SLC25A6: variants seen among roughly 807,000 people sequenced by gnomAD.
The protein encoded by SLC25A6 is solute carrier family 25 member 6.
A neutral mutation model predicts 25.7 loss-of-function variants in SLC25A6; 9 were observed. The ratio of observed to expected loss-of-function variants is 0.35; its 90% CI spans 0.21 to 0.61. The LOEUF (loss-of-function observed/expected upper bound fraction) is 0.61. Among genes scored for constraint, SLC25A6 ranks in the 20% least tolerant of loss-of-function variants. The probability of loss-of-function intolerance (pLI) is 0.76; values close to 1 mark genes in which losing one functional copy is unlikely to be tolerated. For missense variants in SLC25A6, 404 were observed against 440.5 expected (o/e 0.92, Z 0.74); for synonymous variants, 223 against 197.0 (o/e 1.13, Z -1.11).
chrX:1,388,830 G>C (rs1246173190), intron 2 of SLC25A6, among the ~76,000 whole-genome samples: 12 of 150,412 alleles, frequency 8.0e-5, no homozygotes, highest in Non-Finnish European at 1.8e-4. Flanking sequence ...GACACACACA[G>C]AGGGACGACC....
chrX:1,391,836 GCCCGA>G, intron 1 of SLC25A6, 58 bp downstream of exon 1: 4 of 1,335,990 alleles, frequency 3.0e-6, no homozygotes, highest in Non-Finnish European at 4.2e-6. Context: ...CCACGTCCCC[GCCCGA>G]CCCGGCCACT....
Position 1,386,582 on chromosome X carries a change from T to C in SLC25A6, c.*20A>G. On this transcript the variant is annotated 3_prime_UTR_variant, in exon 4 of 4. Transcript: ENST00000381401. ...TTGGTTCCCCTGGTGTGTGTGTGTG[T>C]GTGGAGGAGGCCGCGGCCCTTAGAT... 6.5e-7 allele frequency: 1 copy of C among 1,535,436 alleles called. No homozygotes were observed. The highest frequency in any genetic ancestry group is 8.7e-7 in the Non-Finnish European group (1 of 1,144,864).
chrX:1,387,524 C>G, intron 2 of SLC25A6, 105 bp from the exon 3 acceptor site: 1 of 1,487,216 alleles, frequency 6.7e-7, no homozygotes. Context: ...GTGCCGAGCT[C>G]TTCCGAGACC....
At chrX:1,390,143 C>A (rs181716492) in intron 1 of SLC25A6, 6 of 229,404 alleles carry the variant, frequency 2.6e-5, no homozygotes, top group Non-Finnish European at 5.2e-5. Flanking sequence ...CCCGAGTACC[C>A]GGGTCTACAG....
Position 1,386,449 on chromosome X carries a change from T to C in SLC25A6, c.*153A>G, listed in dbSNP as rs1279062948. ...TGGTTGGATCGCAATGCGCCCCTTTTCTAGAGCCTTCCCCGGCCATCTACA... is the reference window on the plus strand; with the variant it reads ...TGGTTGGATCGCAATGCGCCCCTTTCCTAGAGCCTTCCCCGGCCATCTACA... On this transcript the variant is annotated 3_prime_UTR_variant, in exon 4 of 4. Transcript: ENST00000381401. The C allele has an allele frequency of 3.0e-5, 32 of 1,067,338 alleles. No homozygotes were observed. The highest frequency in any genetic ancestry group is 5.1e-6 in the Non-Finnish European group (4 of 777,106). The allele number at this position is 1,067,338 out of a possible 1,614,324, so 66.1% of individuals were successfully genotyped here. A position where few individuals can be genotyped will look rare whatever the true frequency, so the allele number is the denominator to read the frequency against.
intron 2 of SLC25A6, 120 bp from the exon 3 acceptor site, chrX:1,387,539 G>A (rs2089341990): frequency 2.1e-6 from 3 of 1,404,518 alleles, no homozygotes; most frequent in East Asian, 2.4e-5. Flanking sequence ...GAGACCACCA[G>A]TGCCCCCTCC....
intron 1 of SLC25A6, 34 bp downstream of exon 1, chrX:1,391,865 C>G (rs1419876624): frequency 6.6e-6 from 10 of 1,522,950 alleles, no homozygotes; most frequent in Non-Finnish European, 8.0e-6. Context: ...TTCCCGTCCC[C>G]TAGTCCCCGG....
At position 1,392,113 on chromosome X, in the gene SLC25A6, G is replaced by A. The variant is rs1475586197; in HGVS notation, c.-104C>T. 2 of 829,356 alleles carry A rather than the reference G, an allele frequency of 2.4e-6. No homozygotes were observed. The highest frequency in any genetic ancestry group is 3.9e-6 in the Non-Finnish European group (2 of 513,638). The allele number at this position is 829,356 out of a possible 1,614,324, so 51.4% of individuals were successfully genotyped here. A position where few individuals can be genotyped will look rare whatever the true frequency, so the allele number is the denominator to read the frequency against. On this transcript the variant is annotated 5_prime_UTR_variant, in exon 1 of 4. Transcript: ENST00000381401. Reference sequence around the variant, plus strand: ...GCCCTGCCGCCGCCTGGACCGAAAGGACGGAGCAGCCACCGCGCAGCCGCT... The same window carrying A: ...GCCCTGCCGCCGCCTGGACCGAAAGAACGGAGCAGCCACCGCGCAGCCGCT...
rs778705957 is a variant in SLC25A6, at chrX:1,387,312, G to A, written c.706C>T (p.Arg236Trp). The A allele has an allele frequency of 5.6e-6, 9 of 1,613,098 alleles. No homozygotes were observed. Among genetic ancestry groups the A allele is most frequent in the Admixed American group, 1.7e-5 (1 of 60,000 alleles). The change falls in exon 3 of 4, where the codon CGG becomes TGG. Residue 236 changes from arginine to tryptophan, a missense_variant. Transcript: ENST00000381401. ...VVSYPFDTVR[R>W]RMMMQSGRKG... ...CGCCCGGACTGCATCATCATGCGCC[G>A]CCGCACCGTGTCGAAGGGGTAGGAC...
At chrX:1,387,940 G>A (rs188261608) in intron 2 of SLC25A6, among the ~76,000 whole-genome samples, 19 of 152,058 alleles carry the variant, frequency 1.2e-4, no homozygotes, top group African/African-American at 4.6e-4. Flanking sequence ...ACAGGGAGAA[G>A]ACGGTGTCTA....
Position 1,389,478 on chromosome X carries a change from C to A in SLC25A6, c.361G>T (p.Gly121Cys). Residue 121 changes from glycine to cysteine, a missense_variant, in exon 2 of 4, where the codon GGT becomes TGT. Physicochemically the swap from Gly to Cys is radical, Grantham distance 159. Coordinates refer to ENST00000381401, the MANE Select transcript of SLC25A6 (RefSeq NM_001636.4). ...CAGAGGGAGGTCGCGCCGGCCGCACCGCCGGAGGCCAGGTTGCCCGCAAAG... is the reference window on the plus strand; with the variant it reads ...CAGAGGGAGGTCGCGCCGGCCGCACAGCCGGAGGCCAGGTTGCCCGCAAAG... Reference protein sequence around the residue: ...RYFAGNLASGGAAGATSLCFV... With the variant: ...RYFAGNLASGCAAGATSLCFV... The A allele has an allele frequency of 1.2e-6, 2 of 1,614,044 alleles. No individual in the cohort carries two copies. The highest frequency in any genetic ancestry group is 1.7e-6 in the Non-Finnish European group (2 of 1,179,986).
rs772997354 is a variant in SLC25A6, at chrX:1,386,736, C to T, written c.763G>A (p.Val255Ile). Residue 255 changes from valine (V) to isoleucine (I), a missense_variant, in exon 4 of 4, where the codon GTC (valine) becomes ATC (isoleucine). Transcript: ENST00000381401. ...CTGAAGATCTTCCTCCAACAGTCGA[C>T]GGTGCCCGTGTACATGATGTCAGCT... is the stretch of plus-strand genomic sequence containing the variant. ...KGADIMYTGTVDCWRKIFRDE... is the reference protein window; with the variant it reads ...KGADIMYTGTIDCWRKIFRDE... The T allele has an allele frequency of 8.7e-6, 14 of 1,611,036 alleles. No homozygotes were observed. Among genetic ancestry groups the T allele is most frequent in the East Asian group, 6.7e-5 (3 of 44,728 alleles).
Position 1,389,348 on chromosome X carries a change from A to G in SLC25A6, c.491T>C (p.Ile164Thr), listed in dbSNP as rs745448339. 6.2e-7 allele frequency: 1 copy of G among 1,613,772 alleles called. No individual in the cohort carries two copies. Among genetic ancestry groups the G allele is most frequent in the African/African-American group, 1.3e-5 (1 of 75,026 alleles). ...GCCCCGGATGCCGTCGGACTTGGTG[A>G]TCTTCACCAGGCAGTCTCCCAGGCC... ...FRGLGDCLVKITKSDGIRGLY... is the reference protein window; with the variant it reads ...FRGLGDCLVKTTKSDGIRGLY... The change falls in exon 2 of 4, where the codon ATC (isoleucine) becomes ACC (threonine). Residue 164 changes from isoleucine to threonine, a missense_variant. Physicochemically the swap from Ile to Thr is moderately conservative, Grantham distance 89. Transcript: ENST00000381401.
intron 2 of SLC25A6, among the ~76,000 whole-genome samples, chrX:1,388,050 T>G (rs1456657703): frequency 6.6e-5 from 10 of 150,454 alleles, no homozygotes; most frequent in African/African-American, 2.5e-4. Flanking sequence ...GTCTGCTGTT[T>G]ATAAGCCACC....
chrX:1,387,235 G>C (rs750828770), intron 3 of SLC25A6, 44 bp downstream of exon 3: 20 of 1,602,964 alleles, frequency 1.2e-5, no homozygotes, highest in Admixed American at 5.0e-5. Flanking sequence ...CAAGGAGCTT[G>C]GTTCCCCTTC....
chrX:1,389,236 C>T lies in SLC25A6; in HGVS notation c.598+5G>A, dbSNP rs767470647. On this transcript the variant is annotated splice_donor_5th_base_variant and intron_variant, in intron 2 of 3. Coordinates refer to ENST00000381401, the MANE Select transcript of SLC25A6 (RefSeq NM_001636.4). ...CTGGGACTTCGCGATGGCAGCCACA[C>T]GTACCCTTGGCCGTATCGTACACGC... 7 of 1,608,648 alleles carry T rather than the reference C, an allele frequency of 4.4e-6. No individual in the cohort carries two copies. The highest frequency in any genetic ancestry group is 2.7e-5 in the African/African-American group (2 of 74,830).
rs1413028428 is a variant in SLC25A6, at chrX:1,389,495, C to T, written c.344G>A (p.Gly115Asp). 2.5e-6 allele frequency: 4 copies of T among 1,614,118 alleles called. No individual in the cohort carries two copies. The highest frequency in any genetic ancestry group is 3.4e-6 in the Non-Finnish European group (4 of 1,180,000). Reference sequence around the variant, plus strand: ...GGCCGCACCGCCGGAGGCCAGGTTGCCCGCAAAGTACCTCCAGAACTGCGT... The same window carrying T: ...GGCCGCACCGCCGGAGGCCAGGTTGTCCGCAAAGTACCTCCAGAACTGCGT... ...KHTQFWRYFA[G>D]NLASGGAAGA... The change falls in exon 2 of 4, where the codon GGC becomes GAC. Residue 115 changes from glycine (G) to aspartate (D), a missense_variant. Transcript: ENST00000381401.
At chrX:1,390,522 G>C (rs1406590976) in intron 1 of SLC25A6, among the ~76,000 whole-genome samples, 3 of 151,542 alleles carry the variant, frequency 2.0e-5, no homozygotes, top group Admixed American at 6.6e-5. Context: ...AGGCTACAGT[G>C]AGCCGAGATC....
chrX:1,388,455 G>GC (rs2089356729), intron 2 of SLC25A6, among the ~76,000 whole-genome samples: 2 of 151,076 alleles, frequency 1.3e-5, no homozygotes, highest in African/African-American at 2.4e-5. Context: ...AACCAGCCCT[G>GC]CCCACACCTG....
Sources: gnomAD v4.1 joint callset for allele counts (sites outside exome capture counted in the v4.1 genomes callset) on GRCh38, gnomAD v4.1.1 for gene constraint, MANE v1.5 for transcripts, NCBI Gene and HGNC (gene_info 2026-07-23, HGNC 2026-07-21) for gene names.